The following KCNMB2 variants were observed in gnomAD, a reference collection of about 807,000 sequenced individuals.
KCNMB2 encodes calcium-activated potassium channel subunit beta-2.
KCNMB2 carries 9 observed loss-of-function variants against 24.5 expected under a neutral mutation model. That is an observed-to-expected ratio of 0.37 (90% CI 0.22 to 0.64). The LOEUF (loss-of-function observed/expected upper bound fraction) is 0.64, where lower values mean the gene tolerates loss of function less well. Among genes scored for constraint, KCNMB2 ranks in the 30% least tolerant of loss-of-function variants. The pLI, the probability that KCNMB2 is intolerant of heterozygous loss-of-function variation, is 0.63. For synonymous variants in KCNMB2, 109 were observed against 104.4 expected (o/e 1.04, Z -0.27); for missense variants, 226 against 284.3 (o/e 0.79, Z 1.47).
intron 1 of KCNMB2, among the ~76,000 whole-genome samples, chr3:178,586,538 CTTTT>C (rs10677144): frequency 1.5e-3 from 104 of 68,472 alleles, no homozygotes; most frequent in Middle Eastern, 0.017. Context: ...TTTTTTCTTT[CTTTT>C]TTTTTTTTTT....
intron 1 of KCNMB2, among the ~76,000 whole-genome samples, chr3:178,628,942 G>T (rs1411254332): frequency 6.6e-6 from 1 of 152,026 alleles, no homozygotes; most frequent in Non-Finnish European, 1.5e-5. Context: ...TAAGACCTCT[G>T]TCTACTTAAA....
chr3:178,702,334 T>C (rs1722130426), intron 1 of KCNMB2, among the ~76,000 whole-genome samples: 1 of 149,848 alleles, frequency 6.7e-6, no homozygotes, highest in Middle Eastern at 3.4e-3. Context: ...CTAATGTAAA[T>C]GACAAGTTAA....
Position 178,758,594 on chromosome 3 carries a change from A to G in KCNMB2, c.-67-48749A>G, listed in dbSNP as rs1277156532. ...TATATATATATATATATCCAAGAGG[A>G]GATATATATATCTCCAAGAGGATAT... On this transcript the variant is annotated intron_variant, in intron 1 of 4. Coordinates refer to ENST00000452583, the MANE Select transcript of KCNMB2 (RefSeq NM_181361.3). 2.9e-5 allele frequency among the ~76,000 whole-genome samples: 2 copies of G among 69,336 alleles called. 1 individual carries two copies. Among genetic ancestry groups the G allele is most frequent in the Non-Finnish European group, 5.9e-5 (2 of 33,788 alleles). 45.5% of individuals were successfully genotyped at this position (69,336 alleles called of 152,430 possible). A position where few individuals can be genotyped will look rare whatever the true frequency, so the allele number is the denominator to read the frequency against.
At chr3:178,774,654 G>A (rs1207347335) in intron 1 of KCNMB2, among the ~76,000 whole-genome samples, 8 of 152,158 alleles carry the variant, frequency 5.3e-5, no homozygotes, top group South Asian at 2.1e-4. Context: ...GGGCACCCCC[G>A]CTCTGGACTG....
intron 2 of KCNMB2, among the ~76,000 whole-genome samples, chr3:178,811,631 A>T (rs1462985738): frequency 6.6e-6 from 1 of 152,232 alleles, no homozygotes; most frequent in Non-Finnish European, 1.5e-5. Context: ...CAACATTTGC[A>T]TTATTTCCAG....
At chr3:178,567,688 G>T (rs1298192453) in intron 1 of KCNMB2, among the ~76,000 whole-genome samples, 1 of 152,072 alleles carries the variant, frequency 6.6e-6, no homozygotes, top group African/African-American at 2.4e-5. Context: ...ATTTGCGCCA[G>T]GACAAATAGT....
chr3:178,572,769 A>G (rs890458309), intron 1 of KCNMB2, among the ~76,000 whole-genome samples: 3 of 152,212 alleles, frequency 2.0e-5, no homozygotes, highest in Non-Finnish European at 4.4e-5. Context: ...ATAGGAAGAA[A>G]AGCAATCAGC....
At chr3:178,811,013 A>G (rs537427087) in intron 2 of KCNMB2, among the ~76,000 whole-genome samples, 1 of 151,304 alleles carries the variant, frequency 6.6e-6, no homozygotes, top group South Asian at 2.1e-4. Context: ...CAGCCTCCCA[A>G]AGTGCTGGGA....
intron 1 of KCNMB2, among the ~76,000 whole-genome samples, chr3:178,784,090 T>C (rs1011934024): frequency 2.0e-5 from 3 of 152,202 alleles, no homozygotes; most frequent in Non-Finnish European, 2.9e-5. Flanking sequence ...CTCTATTGGC[T>C]GCTATAGCCT....
rs185754363 is a variant in KCNMB2 at position 178,570,784 on chromosome 3, G to A, written c.-68+34073G>A. Among the ~76,000 whole-genome samples, 24 of 152,148 alleles carry A rather than the reference G, an allele frequency of 1.6e-4. No individual in the cohort carries two copies. The East Asian group carries it at 3.5e-3, about 22-fold the overall frequency. ...AGCAATTTTTATTCTCACAAAAATG[G>A]GGGTAATAGGTAATATAATTAATGA... On this transcript the variant is annotated intron_variant, in intron 1 of 4. Coordinates refer to ENST00000452583, the MANE Select transcript of KCNMB2 (RefSeq NM_181361.3).
chr3:178,616,040 G>A (rs940804995), intron 1 of KCNMB2, among the ~76,000 whole-genome samples: 6 of 152,032 alleles, frequency 3.9e-5, no homozygotes, highest in Admixed American at 3.3e-4. Flanking sequence ...TGGTATCCAA[G>A]ATGCAAAACT....
At chr3:178,794,422 A>G (rs999862516) in intron 1 of KCNMB2, among the ~76,000 whole-genome samples, 2 of 152,044 alleles carry the variant, frequency 1.3e-5, no homozygotes, top group Non-Finnish European at 2.9e-5. Context: ...GCTTACATCC[A>G]TGAGACATGC....
intron 1 of KCNMB2, among the ~76,000 whole-genome samples, chr3:178,694,513 T>C (rs894693884): frequency 6.6e-5 from 10 of 152,220 alleles, no homozygotes; most frequent in Admixed American, 1.3e-4. Context: ...CTTCTGTATA[T>C]GAGCCTGTAA....
At chr3:178,683,783 G>A (rs893950189) in intron 1 of KCNMB2, among the ~76,000 whole-genome samples, 1 of 152,114 alleles carries the variant, frequency 6.6e-6, no homozygotes, top group Non-Finnish European at 1.5e-5. Flanking sequence ...TCATCTGCCT[G>A]GTTATTATCA....
chr3:178,736,655 T>G (rs1723325652), intron 1 of KCNMB2, among the ~76,000 whole-genome samples: 1 of 152,186 alleles, frequency 6.6e-6, no homozygotes, highest in Non-Finnish European at 1.5e-5. Flanking sequence ...TTTAGAAACA[T>G]AGACCCCAAA....
intron 1 of KCNMB2, among the ~76,000 whole-genome samples, chr3:178,668,894 A>G (rs1190434681): frequency 6.6e-6 from 1 of 152,214 alleles, no homozygotes; most frequent in Non-Finnish European, 1.5e-5. Context: ...GCACATTTCT[A>G]TGATCAAATC....
At chr3:178,642,263 C>A (rs567948460) in intron 1 of KCNMB2, among the ~76,000 whole-genome samples, 49 of 152,266 alleles carry the variant, frequency 3.2e-4, no homozygotes, top group African/African-American at 1.1e-3. Flanking sequence ...GCACAGATTT[C>A]TCCTTTTCTA....
intron 1 of KCNMB2, among the ~76,000 whole-genome samples, chr3:178,650,019 T>C (rs9855794): frequency 0.52 from 78,741 of 152,022 alleles, 21,097 homozygotes; most frequent in African/African-American, 0.67. Context: ...TTTAGCTGTG[T>C]ACCAGGGATT....
chr3:178,806,773 G>C (rs1371472195), intron 1 of KCNMB2, among the ~76,000 whole-genome samples: 1 of 151,976 alleles, frequency 6.6e-6, no homozygotes, highest in Admixed American at 6.6e-5. Flanking sequence ...GGCTTCTCCA[G>C]AAGCCAGTGA....
Sources: allele counts gnomAD v4.1 joint callset (sites outside exome capture counted in the v4.1 genomes callset), GRCh38; gene constraint gnomAD v4.1.1; transcripts MANE v1.5; gene names NCBI Gene and HGNC (gene_info 2026-07-23, HGNC 2026-07-21).